MCC: variants seen among roughly 807,000 people sequenced by gnomAD.
MCC encodes the protein colorectal mutant cancer protein.
Under a neutral mutation model 116.2 loss-of-function variants are expected in MCC, and 90 were observed. That is an observed-to-expected ratio of 0.77 (90% confidence interval 0.65 to 0.92). The LOEUF (loss-of-function observed/expected upper bound fraction) is 0.92. Among genes scored for constraint, MCC ranks in the 40% least tolerant of loss-of-function variants. MCC has a pLI of 0.00. For missense variants in MCC, 1,516 were observed against 1,312.2 expected, an observed-to-expected ratio of 1.16 and a Z score of -2.40; for synonymous variants, 578 against 510.5, an observed-to-expected ratio of 1.13 and a Z score of -1.78.
At chr5:113,204,418 T>A (rs1300974474) in intron 3 of MCC, 5 of 152,224 alleles carry the variant, frequency 3.3e-5, no homozygotes, top group Non-Finnish European at 7.3e-5. Flanking sequence ...CCGAAATGCA[T>A]TAAAATTCTA....
intron 5 of MCC, among the ~76,000 whole-genome samples, chr5:113,130,881 C>T (rs1289897772): frequency 6.6e-6 from 1 of 152,182 alleles, no homozygotes; most frequent in Non-Finnish European, 1.5e-5. Context: ...AATTACCCAG[C>T]CTCAGATTCC....
intron 3 of MCC, among the ~76,000 whole-genome samples, chr5:113,223,913 C>T (rs1348077917): frequency 6.6e-6 from 1 of 152,044 alleles, no homozygotes; most frequent in Non-Finnish European, 1.5e-5. Flanking sequence ...GCATTTTCTC[C>T]CTGCTTGCAG....
intron 1 of MCC, among the ~76,000 whole-genome samples, chr5:113,473,472 T>C (rs781629044): frequency 6.6e-5 from 10 of 152,178 alleles, no homozygotes; most frequent in Non-Finnish European, 1.3e-4. Flanking sequence ...TGCTGTGGGC[T>C]ATAATCACAC....
chr5:113,336,017 G>A (rs995523294), intron 3 of MCC, among the ~76,000 whole-genome samples: 11 of 151,610 alleles, frequency 7.3e-5, no homozygotes, highest in Non-Finnish European at 1.6e-4. Flanking sequence ...TTAAGGTGCT[G>A]GCATCTGTCA....
intron 7 of MCC, among the ~76,000 whole-genome samples, chr5:113,102,544 T>A (rs370662475): frequency 1.2e-4 from 18 of 152,200 alleles, no homozygotes; most frequent in Non-Finnish European, 2.4e-4. Flanking sequence ...AAGCTCATTG[T>A]GGAGATTTCT....
rs542497591 is a variant in MCC, at chr5:113,459,133, ATGTGTGTGTG to A, written c.170+29102_170+29111del. Among the ~76,000 whole-genome samples the A allele has an allele frequency of 9.1e-3, 622 of 68,358 alleles. 10 individuals are homozygous for A. The highest frequency in any genetic ancestry group is 0.029 in the African/African-American group (505 of 17,292). 44.8% of individuals were successfully genotyped at this position (68,358 alleles called of 152,430 possible). On this transcript the variant is annotated intron_variant, in intron 1 of 18. Coordinates refer to ENST00000408903, the MANE Select transcript of MCC (RefSeq NM_001085377.2). ...GAGGTCTCTGGGGAGGAGTAAGGAT[ATGTGTGTGTG>A]TGTGTGTGTGTGTGTGTGTGTGTGT...
intron 6 of MCC, among the ~76,000 whole-genome samples, chr5:113,116,490 T>C (rs939546423): frequency 1.4e-4 from 21 of 152,222 alleles, no homozygotes; most frequent in African/African-American, 4.8e-4. Context: ...AGACATGGTC[T>C]ATTTAGAAAA....
chr5:113,180,978 T>C (rs1761599467), intron 3 of MCC, among the ~76,000 whole-genome samples: 1 of 152,202 alleles, frequency 6.6e-6, no homozygotes, highest in Non-Finnish European at 1.5e-5. Context: ...AAGTCAACTC[T>C]AATTTTGAAG....
At chr5:113,474,373 A>C (rs1772179150) in intron 1 of MCC, among the ~76,000 whole-genome samples, 1 of 152,230 alleles carries the variant, frequency 6.6e-6, no homozygotes, top group South Asian at 2.1e-4. Flanking sequence ...CTCACCAGAC[A>C]GGTAAGGGCG....
At chr5:113,261,635 T>C (rs1765223176) in intron 3 of MCC, among the ~76,000 whole-genome samples, 1 of 152,164 alleles carries the variant, frequency 6.6e-6, no homozygotes. Context: ...CATATTTAAG[T>C]TAGATTTACA....
chr5:113,280,941 G>T (rs1766024880), intron 3 of MCC, among the ~76,000 whole-genome samples: 1 of 152,118 alleles, frequency 6.6e-6, no homozygotes, highest in Non-Finnish European at 1.5e-5. Flanking sequence ...AGAGCCTAGG[G>T]CTTAGGTTTA....
At chr5:113,244,418 A>G (rs1194750369) in intron 3 of MCC, among the ~76,000 whole-genome samples, 1 of 152,270 alleles carries the variant, frequency 6.6e-6, no homozygotes, top group African/African-American at 2.4e-5. Flanking sequence ...AAATTATGTA[A>G]TACTCTATAT....
At chr5:113,061,742 G>A (rs1231425087) in intron 14 of MCC, among the ~76,000 whole-genome samples, 3 of 152,192 alleles carry the variant, frequency 2.0e-5, no homozygotes, top group Non-Finnish European at 4.4e-5. Flanking sequence ...CTGAACCCTT[G>A]AGGGGCAGTT....
intron 3 of MCC, among the ~76,000 whole-genome samples, chr5:113,211,585 T>C (rs1364445840): frequency 1.3e-5 from 2 of 152,214 alleles, no homozygotes; most frequent in Non-Finnish European, 2.9e-5. Context: ...TAACTTTTCA[T>C]GTAAGGTACT....
At chr5:113,399,223 C>G (rs1359517812) in intron 1 of MCC, among the ~76,000 whole-genome samples, 1 of 152,330 alleles carries the variant, frequency 6.6e-6, no homozygotes, top group East Asian at 1.9e-4. Flanking sequence ...CGGTGGCTCA[C>G]GCCTGTAATC....
chr5:113,414,168 T>C (rs918544498), intron 1 of MCC, among the ~76,000 whole-genome samples: 1 of 151,720 alleles, frequency 6.6e-6, no homozygotes, highest in African/African-American at 2.4e-5. Context: ...CTTTTACATT[T>C]ACATATGCTT....
chr5:113,051,103 T>C (rs973151506), intron 15 of MCC, among the ~76,000 whole-genome samples: 3 of 152,176 alleles, frequency 2.0e-5, no homozygotes, highest in Non-Finnish European at 4.4e-5. Context: ...AAGAACTTAA[T>C]AACAACTAGT....
chr5:113,132,449 C>CATATATATATATATATATAT (rs1237730823), intron 5 of MCC, among the ~76,000 whole-genome samples: 1 of 111,088 alleles, frequency 9.0e-6, no homozygotes, highest in African/African-American at 4.2e-5. Context: ...TATATACACA[C>CATATATATATATATATATAT]ACACACACAC....
At chr5:113,167,085 C>T (rs574593043) in intron 3 of MCC, among the ~76,000 whole-genome samples, 55 of 152,130 alleles carry the variant, frequency 3.6e-4, no homozygotes, top group Non-Finnish European at 6.5e-4. Flanking sequence ...GGAGTTTGGT[C>T]GGCAGCCTCT....
Sources: gnomAD v4.1 joint callset for allele counts (sites outside exome capture counted in the v4.1 genomes callset) on GRCh38, gnomAD v4.1.1 for gene constraint, MANE v1.5 for transcripts, NCBI Gene and HGNC (gene_info 2026-07-23, HGNC 2026-07-21) for gene names.